The following ARNT2 variants were observed in gnomAD, a reference collection of about 807,000 sequenced individuals.
ARNT2 encodes ARNT protein 2.
Under a neutral mutation model 91.7 loss-of-function variants are expected in ARNT2, and 36 were observed. The ratio of observed to expected loss-of-function variants is 0.39; its 90% CI spans 0.30 to 0.52. ARNT2 has a LOEUF of 0.52. Ranked by LOEUF, ARNT2 falls within the 20% of genes least tolerant of loss-of-function variation. The probability of loss-of-function intolerance (pLI) is 0.72; values close to 1 mark genes in which losing one functional copy is unlikely to be tolerated. For synonymous variants in ARNT2, 365 were observed against 347.1 expected, an observed-to-expected ratio of 1.05 and a Z score of -0.57; for missense variants, 775 against 939.3, an observed-to-expected ratio of 0.83 and a Z score of 2.29.
At chr15:80,519,825 C>T (rs1251381700) in intron 8 of ARNT2, among the ~76,000 whole-genome samples, 2 of 150,362 alleles carry the variant, frequency 1.3e-5, no homozygotes, top group Non-Finnish European at 3.0e-5. Context: ...ACTGGGACTA[C>T]AGGCACCTGC....
chr15:80,537,456 T>A (rs552341904), intron 8 of ARNT2, among the ~76,000 whole-genome samples: 34 of 152,206 alleles, frequency 2.2e-4, no homozygotes, highest in Non-Finnish European at 4.0e-4. Context: ...TTGAGAGAAT[T>A]TATACAACTT....
intron 5 of ARNT2, chr15:80,487,970 G>A (rs1897002152): frequency 6.6e-6 from 1 of 152,224 alleles, no homozygotes; most frequent in African/African-American, 2.4e-5. Context: ...GATACAAGTA[G>A]AACAGCCCTC....
chr15:80,423,519 A>G (rs567194938), intron 1 of ARNT2, among the ~76,000 whole-genome samples: 1 of 152,292 alleles, frequency 6.6e-6, no homozygotes, highest in Non-Finnish European at 1.5e-5. Context: ...TGAACTATTG[A>G]TAGATTTCCC....
In ARNT2 at chr15:80,591,116, G is replaced by A. The variant is rs539718642; in HGVS notation, c.1919-452G>A. Among the ~76,000 whole-genome samples, 4 of 152,318 alleles carry A rather than the reference G, an allele frequency of 2.6e-5. No homozygotes were observed. In the East Asian group the frequency reaches 5.8e-4, roughly 22 times the overall value. ...GCCTTTCAAGAGCATTCGGTGGACC[G>A]AGAGGGAATCAGGAGCAGGGGCAGG... On this transcript the variant is annotated intron_variant, in intron 17 of 18. Transcript: ENST00000303329. The surrounding 1 kb of genome is among the most constrained non-coding windows in gnomAD (Gnocchi z 5.1).
At chr15:80,545,012 A>G (rs149794274) in intron 8 of ARNT2, among the ~76,000 whole-genome samples, 1 of 152,290 alleles carries the variant, frequency 6.6e-6, no homozygotes, top group Non-Finnish European at 1.5e-5. Flanking sequence ...TTCAAGCAGC[A>G]ATAGATGGAC....
rs1284965562 is a variant in ARNT2, at chr15:80,500,218, G to T, written c.623-7938G>T. On this transcript the variant is annotated intron_variant, in intron 5 of 18. Coordinates refer to ENST00000303329, the MANE Select transcript of ARNT2 (RefSeq NM_014862.4). ...TGTGCACAGCTGCTGTAATAACTGG[G>T]GTCAACCTTTTGAGAATAAGAACAC... Among the ~76,000 whole-genome samples, 3 of 152,246 alleles carry T rather than the reference G, an allele frequency of 2.0e-5. No individual in the cohort carries two copies. The South Asian group carries it at 6.2e-4, about 32-fold the overall frequency.
chr15:80,514,558 A>T (rs548345417), intron 8 of ARNT2, among the ~76,000 whole-genome samples, 153 bp downstream of exon 8: 2 of 152,328 alleles, frequency 1.3e-5, no homozygotes, highest in South Asian at 4.1e-4. Flanking sequence ...TAATTGGAAA[A>T]CATCCTGCTA....
intron 8 of ARNT2, among the ~76,000 whole-genome samples, chr15:80,526,158 G>C (rs1188285250): frequency 1.3e-5 from 2 of 152,160 alleles, no homozygotes; most frequent in Non-Finnish European, 2.9e-5. Context: ...TTACACAGTG[G>C]CCTTCTTAAT....
intron 8 of ARNT2, among the ~76,000 whole-genome samples, chr15:80,539,099 G>T (rs1897867686): frequency 6.6e-6 from 1 of 151,892 alleles, no homozygotes; most frequent in African/African-American, 2.4e-5. Context: ...CACCCCAAAT[G>T]GTTCCAGGCC....
At chr15:80,562,910 A>G in intron 11 of ARNT2, 178 bp from the exon 12 acceptor site, 1 of 707,560 alleles carries the variant, frequency 1.4e-6, no homozygotes, top group Non-Finnish European at 2.5e-6. Context: ...ACCAGAAGGT[A>G]GACGGAGGAG....
intron 1 of ARNT2, among the ~76,000 whole-genome samples, chr15:80,443,341 G>C (rs1199088574): frequency 2.0e-5 from 3 of 152,170 alleles, no homozygotes; most frequent in Non-Finnish European, 4.4e-5. Context: ...CTCCAGGTTT[G>C]GGCTAAGAGG....
chr15:80,470,500 A>C, intron 4 of ARNT2, 69 bp downstream of exon 4: 3 of 1,514,054 alleles, frequency 2.0e-6, no homozygotes, highest in Non-Finnish European at 2.7e-6. Flanking sequence ...GAAATAAACT[A>C]CGTGGGGAAC....
chr15:80,404,544 C>A lies in ARNT2; in HGVS notation c.29C>A (p.Pro10Gln). Residue 10 changes from proline (P) to glutamine (Q), a missense_variant and splice_region_variant, in exon 1 of 19, where the codon CCG becomes CAG. Physicochemically the swap from Pro to Gln is moderately conservative, Grantham distance 76. Coordinates refer to ENST00000303329, the MANE Select transcript of ARNT2 (RefSeq NM_014862.4). The surrounding 1 kb of genome is among the most constrained non-coding windows in gnomAD (Gnocchi z 5.5). ...GCAACCCCGGCGGCGGTCAACCCTC[C>A]GGGTGAGTAGCGGCCTGGGCCCCGC... MATPAAVNP[P>Q]EMASDIPGSV... 1 of 1,191,908 alleles carries A rather than the reference C, an allele frequency of 8.4e-7. No individual in the cohort carries two copies. Among genetic ancestry groups the A allele is most frequent in the South Asian group, 1.8e-5 (1 of 56,152 alleles). 73.8% of individuals were successfully genotyped at this position (1,191,908 alleles called of 1,614,324 possible). A position where few individuals can be genotyped will look rare whatever the true frequency, so the allele number is the denominator to read the frequency against.
Position 80,404,889 on chromosome 15 carries a change from G to A in ARNT2, c.31+343G>A, listed in dbSNP as rs970566508. Among the ~76,000 whole-genome samples, 4 of 152,200 alleles carry A rather than the reference G, an allele frequency of 2.6e-5. No homozygotes were observed. The highest frequency in any genetic ancestry group is 1.3e-4 in the Admixed American group (2 of 15,292). On this transcript the variant is annotated intron_variant, in intron 1 of 18. Transcript: ENST00000303329. The surrounding 1 kb of genome is among the most constrained non-coding windows in gnomAD (Gnocchi z 5.5). Reference sequence around the variant, plus strand: ...CCATCCCACGCATTTTTCTCTTCCGGTCCCGGCTTTTGTGGCATCACGGCG... The same window carrying A: ...CCATCCCACGCATTTTTCTCTTCCGATCCCGGCTTTTGTGGCATCACGGCG...
intron 1 of ARNT2, among the ~76,000 whole-genome samples, chr15:80,421,731 T>G (rs1044749837): frequency 6.6e-6 from 1 of 152,162 alleles, no homozygotes; most frequent in Non-Finnish European, 1.5e-5. Flanking sequence ...AAGGTGCACC[T>G]TTTTCCTAGG....
chr15:80,458,426 A>G (rs1423911826), intron 3 of ARNT2, among the ~76,000 whole-genome samples: 1 of 152,130 alleles, frequency 6.6e-6, no homozygotes, highest in African/African-American at 2.4e-5. Context: ...GCTACCATGG[A>G]AAATAAGAAG....
At chr15:80,487,116 C>T (rs1211278837) in intron 5 of ARNT2, among the ~76,000 whole-genome samples, 2 of 152,176 alleles carry the variant, frequency 1.3e-5, no homozygotes, top group Non-Finnish European at 2.9e-5. Flanking sequence ...CCCAGGCAGG[C>T]AGTTGAATTC....
chr15:80,551,955 C>T (rs1001296067), intron 9 of ARNT2, among the ~76,000 whole-genome samples: 3 of 152,136 alleles, frequency 2.0e-5, no homozygotes, highest in South Asian at 2.1e-4. Context: ...GGCCAGGGAA[C>T]GTGTCTTTTA....
At chr15:80,414,472 C>T (rs1445746750) in intron 1 of ARNT2, among the ~76,000 whole-genome samples, 1 of 152,192 alleles carries the variant, frequency 6.6e-6, no homozygotes, top group Non-Finnish European at 1.5e-5. Flanking sequence ...TAATAAAGGG[C>T]TGGCCCCTTT....
Sources: gnomAD v4.1 joint callset for allele counts (sites outside exome capture counted in the v4.1 genomes callset) on GRCh38, gnomAD v4.1.1 for gene constraint, Gnocchi (gnomAD v3.1) non-coding constraint, MANE v1.5 for transcripts, NCBI Gene and HGNC (gene_info 2026-07-23, HGNC 2026-07-21) for gene names.